The following SYNE1 variants were observed in gnomAD, a reference collection of about 807,000 sequenced individuals.
The protein encoded by SYNE1 is spectrin repeat containing nuclear envelope protein 1, also known as nesprin-1.
In SYNE1, 616 loss-of-function variants were observed where a neutral mutation model predicts 1,111.0. That is an observed-to-expected ratio of 0.55 (90% CI 0.52 to 0.59). The LOEUF is 0.59. SYNE1 is among the 20% of genes least tolerant of loss of function. The probability of loss-of-function intolerance (pLI) is 0.00; values close to 1 mark genes in which losing one functional copy is unlikely to be tolerated. For synonymous variants in SYNE1, 3,855 were observed against 3,825.8 expected, an observed-to-expected ratio of 1.01 and a Z score of -0.28; for missense variants, 10,006 against 10,417.0, an observed-to-expected ratio of 0.96 and a Z score of 1.72.
chr6:152,270,921 C>T (rs921227554), intron 98 of SYNE1, among the ~76,000 whole-genome samples: 1 of 152,150 alleles, frequency 6.6e-6, no homozygotes, highest in African/African-American at 2.4e-5. Context: ...CACAAAGACC[C>T]TAAGGTGAAA....
intron 55 of SYNE1, 164 bp from the exon 56 acceptor site, chr6:152,381,526 G>A (rs911275769): frequency 2.4e-5 from 18 of 746,926 alleles, no homozygotes; most frequent in Non-Finnish European, 3.2e-5. Context: ...TTATAATAGC[G>A]GGAGTTGTCA....
Position 152,316,866 on chromosome 6 carries a change from G to C in SYNE1, c.16693C>G (p.Gln5565Glu). The C allele has an allele frequency of 1.2e-6, 2 of 1,614,054 alleles. No individual in the cohort carries two copies. The highest frequency in any genetic ancestry group is 1.7e-6 in the Non-Finnish European group (2 of 1,180,002). ...AWNSASQLRE[Q>E]YILHQTLLEE... Reference sequence around the variant, plus strand: ...AAGGTTACCTGATGCAAAATATATTGTTCCCGAAGCTGGCTTGCAGAATTC... The same window carrying C: ...AAGGTTACCTGATGCAAAATATATTCTTCCCGAAGCTGGCTTGCAGAATTC... The change falls in exon 87 of 146, where the codon CAA becomes GAA. Residue 5565 changes from glutamine (Q) to glutamate (E), a missense_variant. This residue lies in a region of SYNE1 where 4,955 missense variants were observed against 5,017.2 expected (regional missense o/e 0.99). Coordinates refer to ENST00000367255, the MANE Select transcript of SYNE1 (RefSeq NM_182961.4).
chr6:152,596,221 G>C (rs143313563), intron 3 of SYNE1, among the ~76,000 whole-genome samples: 1 of 142,466 alleles, frequency 7.0e-6, no homozygotes, highest in Non-Finnish European at 1.5e-5. Flanking sequence ...GGTATTTTTT[G>C]ACCATTTTCT....
At chr6:152,438,165 G>T (rs1482427695) in intron 32 of SYNE1, among the ~76,000 whole-genome samples, 1 of 152,082 alleles carries the variant, frequency 6.6e-6, no homozygotes, top group Non-Finnish European at 1.5e-5. Flanking sequence ...AAATTCTTTG[G>T]ATAAAAGCAC....
chr6:152,471,942 T>C, intron 15 of SYNE1, 177 bp from the exon 16 acceptor site: 1 of 665,990 alleles, frequency 1.5e-6, no homozygotes, highest in Non-Finnish European at 2.5e-6. Flanking sequence ...AAGCAAAGCA[T>C]GAATGATTGA....
chr6:152,279,147 CTTTTTTTTTT>C (rs59520598), intron 97 of SYNE1, among the ~76,000 whole-genome samples: 3 of 112,686 alleles, frequency 2.7e-5, no homozygotes, highest in Non-Finnish European at 5.5e-5. Flanking sequence ...CTTTTCTTTT[CTTTTTTTTTT>C]TTTTTTTTTG....
chr6:152,269,080 G>T, intron 99 of SYNE1, 75 bp downstream of exon 99: 2 of 1,603,572 alleles, frequency 1.2e-6, no homozygotes, highest in Non-Finnish European at 8.5e-7. Flanking sequence ...CAACTTGTCT[G>T]TCCTTCTGAA....
intron 135 of SYNE1, among the ~76,000 whole-genome samples, chr6:152,150,913 G>A (rs920455673): frequency 6.6e-6 from 1 of 151,972 alleles, no homozygotes; most frequent in African/African-American, 2.4e-5. Flanking sequence ...AAAAATAAAC[G>A]AAAACAACAA....
intron 3 of SYNE1, among the ~76,000 whole-genome samples, chr6:152,606,787 A>G (rs1188713552): frequency 6.6e-6 from 1 of 151,032 alleles, no homozygotes; most frequent in African/African-American, 2.4e-5. Flanking sequence ...GGCTGGGACT[A>G]CAGGCGCCCG....
chr6:152,235,668 A>G (rs1319196206), intron 110 of SYNE1, among the ~76,000 whole-genome samples: 1 of 152,124 alleles, frequency 6.6e-6, no homozygotes, highest in Non-Finnish European at 1.5e-5. Context: ...GCCTCTGCTT[A>G]TCTTTATTTT....
intron 91 of SYNE1, 138 bp from the exon 92 acceptor site, chr6:152,302,201 G>A (rs760391592): frequency 8.8e-7 from 1 of 1,130,926 alleles, no homozygotes; most frequent in Non-Finnish European, 1.3e-6. Context: ...TGTAGGCGGC[G>A]AGTCCTCCTG....
chr6:152,539,863 AGTGACAACAGGGACAGAAGCATTTTGTT>A, intron 4 of SYNE1, 69 bp downstream of exon 4: 2 of 1,293,816 alleles, frequency 1.5e-6, no homozygotes, highest in Non-Finnish European at 2.3e-6. Flanking sequence ...GATTCGCAAC[AGTGACAACAGGGACAGAAGCATTTTGTT>A]ATACTGGACA....
chr6:152,290,157 T>C (rs1268439113), intron 95 of SYNE1, among the ~76,000 whole-genome samples: 1 of 150,088 alleles, frequency 6.7e-6, no homozygotes, highest in Non-Finnish European at 1.5e-5. Flanking sequence ...CACATGTCCC[T>C]AAAGCATCAG....
rs980957862 is a variant in SYNE1, at chr6:152,374,110, G to T, written c.9325-891C>A. Among the ~76,000 whole-genome samples the T allele has an allele frequency of 2.6e-5, 4 of 152,326 alleles. No homozygotes were observed. The East Asian group carries it at 7.7e-4, about 29-fold the overall frequency. On this transcript the variant is annotated intron_variant, in intron 58 of 145. Coordinates refer to ENST00000367255, the MANE Select transcript of SYNE1 (RefSeq NM_182961.4). ...CAGCTTATATAAAAAAATAACAAGA[G>T]AGTGTTTCATAGGGTTGTCCTTATG...
intron 3 of SYNE1, among the ~76,000 whole-genome samples, chr6:152,616,670 T>A (rs1230991826): frequency 6.6e-6 from 1 of 152,138 alleles, no homozygotes; most frequent in African/African-American, 2.4e-5. Flanking sequence ...TAAGATTGAT[T>A]CCAGATACAA....
intron 3 of SYNE1, among the ~76,000 whole-genome samples, chr6:152,555,094 AATCTT>A (rs2099360408): frequency 6.6e-6 from 1 of 152,208 alleles, no homozygotes; most frequent in African/African-American, 2.4e-5. Context: ...CATGATGAGA[AATCTT>A]AGGAAGAGCA....
intron 4 of SYNE1, among the ~76,000 whole-genome samples, chr6:152,530,200 C>G (rs1301306627): frequency 1.3e-5 from 2 of 152,168 alleles, no homozygotes; most frequent in Non-Finnish European, 2.9e-5. Context: ...GTCTGTCTTG[C>G]CCAGTTGGCT....
intron 85 of SYNE1, 94 bp downstream of exon 85, chr6:152,318,769 T>G: frequency 6.7e-7 from 1 of 1,485,126 alleles, no homozygotes; most frequent in Non-Finnish European, 9.1e-7. Context: ...TAAAAAAGGT[T>G]CCTAAAAGGT....
At chr6:152,183,866 A>G (rs563879517) in intron 128 of SYNE1, among the ~76,000 whole-genome samples, 2 of 152,340 alleles carry the variant, frequency 1.3e-5, no homozygotes, top group South Asian at 4.1e-4. Flanking sequence ...AGACCAGCAA[A>G]GTTTGAGTCT....
Sources: gnomAD v4.1 joint callset for allele counts (sites outside exome capture counted in the v4.1 genomes callset) on GRCh38, gnomAD v4.1.1 for gene constraint, gnomAD v4.1.1 regional missense constraint, MANE v1.5 for transcripts, NCBI Gene and HGNC (gene_info 2026-07-23, HGNC 2026-07-21) for gene names.